THSD7A: variants seen among roughly 807,000 people sequenced by gnomAD.
THSD7A encodes the protein thrombospondin type-1 domain-containing protein 7A.
Under a neutral mutation model 231.3 loss-of-function variants are expected in THSD7A, and 96 were observed. The ratio of observed to expected loss-of-function variants is 0.41; its 90% confidence interval spans 0.35 to 0.49. The LOEUF (loss-of-function observed/expected upper bound fraction) is 0.49. THSD7A is among the 20% of genes least tolerant of loss of function. The probability of loss-of-function intolerance (pLI) is 0.05; values close to 1 mark genes in which losing one functional copy is unlikely to be tolerated. For missense variants in THSD7A, 2,290 were observed against 2,070.2 expected (o/e 1.11, Z -2.06); for synonymous variants, 940 against 743.3 (o/e 1.26, Z -4.30).
At chr7:11,653,497 T>TGTGTGTGTGTG (rs1562445896) in intron 1 of THSD7A, among the ~76,000 whole-genome samples, 2 of 144,344 alleles carry the variant, frequency 1.4e-5, no homozygotes, top group Non-Finnish European at 1.5e-5. Context: ...TGTGTGTGTG[T>TGTGTGTGTGTG]TTTCCCCAGA....
intron 2 of THSD7A, among the ~76,000 whole-genome samples, chr7:11,616,416 G>C (rs557539558): frequency 6.6e-6 from 1 of 152,254 alleles, no homozygotes; most frequent in South Asian, 2.1e-4. Context: ...ACCAATAACA[G>C]ATTAAAGTAC....
At chr7:11,764,049 T>C (rs1226881289) in intron 1 of THSD7A, among the ~76,000 whole-genome samples, 1 of 152,106 alleles carries the variant, frequency 6.6e-6, no homozygotes, top group Middle Eastern at 3.2e-3. Flanking sequence ...CAATCAAAAA[T>C]CAGAAAAAGA....
At chr7:11,382,714 G>T in intron 23 of THSD7A, 98 bp from the exon 24 acceptor site, 1 of 927,952 alleles carries the variant, frequency 1.1e-6, no homozygotes. Context: ...AAAGTAATAA[G>T]CTCATCTCTG....
At chr7:11,421,922 G>C (rs2115408636) in intron 16 of THSD7A, among the ~76,000 whole-genome samples, 1 of 152,126 alleles carries the variant, frequency 6.6e-6, no homozygotes, top group East Asian at 1.9e-4. Flanking sequence ...AATCACCCTA[G>C]AATACAGAAT....
intron 4 of THSD7A, among the ~76,000 whole-genome samples, chr7:11,584,323 C>T (rs1262340913): frequency 6.6e-6 from 1 of 151,910 alleles, no homozygotes; most frequent in Non-Finnish European, 1.5e-5. Context: ...CATAATTATA[C>T]AAATATATTA....
chr7:11,791,131 G>C (rs1434625140), intron 1 of THSD7A, among the ~76,000 whole-genome samples: 1 of 151,942 alleles, frequency 6.6e-6, no homozygotes, highest in Non-Finnish European at 1.5e-5. Context: ...CTGTGGAGAA[G>C]ACATTTGACA....
intron 1 of THSD7A, among the ~76,000 whole-genome samples, chr7:11,670,251 G>A (rs1783327947): frequency 6.6e-6 from 1 of 152,172 alleles, no homozygotes. Flanking sequence ...GGAGAGCCTG[G>A]AAGGCTGGGC....
In THSD7A at chr7:11,375,638, C is replaced by G. The variant is rs926986802; in HGVS notation, c.*156G>C. The stretch of plus-strand genomic sequence containing the variant: ...ATAAGTGGTACTGTCTTAAATATCT[C>G]CAGTGGCAGTATGATTTTCACTCTT... On this transcript the variant is annotated 3_prime_UTR_variant, in exon 28 of 28. Coordinates refer to ENST00000423059, the MANE Select transcript of THSD7A (RefSeq NM_015204.3). 2.5e-5 allele frequency: 15 copies of G among 611,314 alleles called. No homozygotes were observed. The Admixed American group carries it at 3.7e-4, about 15-fold the overall frequency. 37.9% of individuals were successfully genotyped at this position (611,314 alleles called of 1,614,324 possible). A position where few individuals can be genotyped will look rare whatever the true frequency, so the allele number is the denominator to read the frequency against.
chr7:11,734,025 C>G (rs1192929659), intron 1 of THSD7A, among the ~76,000 whole-genome samples: 2 of 151,816 alleles, frequency 1.3e-5, no homozygotes, highest in African/African-American at 2.4e-5. Flanking sequence ...GTCTTCCCTT[C>G]TAACCTCTTT....
chr7:11,731,984 C>G (rs1781752136), intron 1 of THSD7A, among the ~76,000 whole-genome samples: 1 of 151,532 alleles, frequency 6.6e-6, no homozygotes, highest in African/African-American at 2.4e-5. Context: ...GCTATGTGTT[C>G]CAGGCATTTT....
intron 4 of THSD7A, among the ~76,000 whole-genome samples, chr7:11,587,993 T>C (rs375908212): frequency 6.6e-6 from 1 of 152,184 alleles, no homozygotes; most frequent in Non-Finnish European, 1.5e-5. Context: ...GAGAACAGTG[T>C]AGATAGTTCT....
chr7:11,694,121 C>T (rs1286069783), intron 1 of THSD7A, among the ~76,000 whole-genome samples: 2 of 151,434 alleles, frequency 1.3e-5, no homozygotes, highest in African/African-American at 2.4e-5. Flanking sequence ...TTGCTATTAC[C>T]TTCTGTTTCC....
At chr7:11,696,746 G>A (rs117091865) in intron 1 of THSD7A, among the ~76,000 whole-genome samples, 1,591 of 151,520 alleles carry the variant, frequency 0.011, 89 homozygotes, top group Admixed American at 0.087. Flanking sequence ...TTAATTTATG[G>A]ATGTCAAACC....
At chr7:11,779,368 G>T (rs147770806) in intron 1 of THSD7A, among the ~76,000 whole-genome samples, 1 of 151,964 alleles carries the variant, frequency 6.6e-6, no homozygotes, top group Non-Finnish European at 1.5e-5. Context: ...CCCAAACAAG[G>T]TCTCTAATTA....
rs555094151 is a variant in THSD7A at position 11,830,198 on chromosome 7, A to G, written c.190+1559T>C. 8.5e-5 allele frequency among the ~76,000 whole-genome samples: 13 copies of G among 152,300 alleles called. No homozygotes were observed. In the South Asian group the frequency reaches 2.5e-3, roughly 29 times the overall value. ...CCTACCATGACATTTATGATGACAT[A>G]TATTGACACCTCAGATGCTGTACAG... On this transcript the variant is annotated intron_variant, in intron 1 of 27. Coordinates refer to ENST00000423059, the MANE Select transcript of THSD7A (RefSeq NM_015204.3).
chr7:11,519,167 AT>A (rs1218394350), intron 6 of THSD7A, among the ~76,000 whole-genome samples: 1 of 145,854 alleles, frequency 6.9e-6, no homozygotes, highest in African/African-American at 2.6e-5. Flanking sequence ...TTCTAAAAAA[AT>A]GTACCATTCA....
intron 1 of THSD7A, among the ~76,000 whole-genome samples, chr7:11,818,021 C>A (rs1483633664): frequency 6.6e-6 from 1 of 152,104 alleles, no homozygotes; most frequent in Non-Finnish European, 1.5e-5. Flanking sequence ...ACCTCTGTAA[C>A]GTTTATAGTC....
At chr7:11,592,036 C>T (rs563220880) in intron 3 of THSD7A, among the ~76,000 whole-genome samples, 1 of 152,188 alleles carries the variant, frequency 6.6e-6, no homozygotes, top group South Asian at 2.1e-4. Context: ...AAGAATAAAG[C>T]ACTTAGCTTG....
chr7:11,688,201 C>G (rs1780120330), intron 1 of THSD7A, among the ~76,000 whole-genome samples: 1 of 151,546 alleles, frequency 6.6e-6, no homozygotes, highest in Admixed American at 6.6e-5. Context: ...ATGACGGTTT[C>G]CCGCTTCAAC....
Sources: gnomAD v4.1 joint callset for allele counts (sites outside exome capture counted in the v4.1 genomes callset) on GRCh38, gnomAD v4.1.1 for gene constraint, MANE v1.5 for transcripts, NCBI Gene and HGNC (gene_info 2026-07-23, HGNC 2026-07-21) for gene names.